Variants in CDH18 observed in about 807,000 individuals in gnomAD.
The protein encoded by CDH18 is cadherin 18.
In CDH18, 31 loss-of-function variants were observed where a neutral mutation model predicts 67.9. That is an observed-to-expected ratio of 0.46 (90% confidence interval 0.34 to 0.62). The LOEUF is 0.62. Ranked by LOEUF, CDH18 falls within the 20% of genes least tolerant of loss-of-function variation. The pLI is 0.01. For synonymous variants in CDH18, 362 were observed against 347.2 expected (o/e 1.04, Z -0.48); for missense variants, 890 against 975.5 (o/e 0.91, Z 1.17).
At chr5:20,098,938 A>C (rs942018154) in intron 2 of CDH18, among the ~76,000 whole-genome samples, 3 of 152,132 alleles carry the variant, frequency 2.0e-5, no homozygotes, top group Admixed American at 2.0e-4. Flanking sequence ...CCATCAACAT[A>C]TTCAGTCTCC....
chr5:19,736,672 C>T (rs929313981), intron 4 of CDH18, among the ~76,000 whole-genome samples: 2 of 152,076 alleles, frequency 1.3e-5, no homozygotes, highest in African/African-American at 2.4e-5. Context: ...CAAAAGCTAT[C>T]ACATTTGGTT....
chr5:19,836,689 A>G (rs1442932922), intron 3 of CDH18, among the ~76,000 whole-genome samples: 1 of 151,924 alleles, frequency 6.6e-6, no homozygotes, highest in East Asian at 1.9e-4. Flanking sequence ...TTCATTTGTC[A>G]ATTTTGGCTT....
intron 1 of CDH18, among the ~76,000 whole-genome samples, chr5:20,529,712 T>C (rs1756283554): frequency 2.0e-5 from 3 of 152,066 alleles, no homozygotes; most frequent in Admixed American, 2.0e-4. Context: ...AAACTCTTGA[T>C]AACCTAGGTA....
intron 2 of CDH18, among the ~76,000 whole-genome samples, chr5:20,009,614 T>G (rs1376302627): frequency 1.3e-5 from 2 of 152,096 alleles, no homozygotes; most frequent in Non-Finnish European, 2.9e-5. Context: ...TTCACAATAG[T>G]GTATTATGTC....
chr5:20,095,444 A>G lies in CDH18; in HGVS notation c.-517-103430T>C, dbSNP rs901078851. Among the ~76,000 whole-genome samples the G allele has an allele frequency of 3.2e-3, 265 of 81,846 alleles. 1 individual carries two copies. Among genetic ancestry groups the G allele is most frequent in the African/African-American group, 0.012 (250 of 21,680 alleles). The allele number at this position is 81,846 out of a possible 152,430, so 53.7% of individuals were successfully genotyped here. A position where few individuals can be genotyped will look rare whatever the true frequency, so the allele number is the denominator to read the frequency against. ...GAAAGAAAGAAAGAAAGAAAGAAAGAAAAGAAAGAAAGAAAGAAGAAAGAA... is the reference window on the plus strand; with the variant it reads ...GAAAGAAAGAAAGAAAGAAAGAAAGGAAAGAAAGAAAGAAAGAAGAAAGAA... On this transcript the variant is annotated intron_variant, in intron 2 of 14. Coordinates refer to the CDH18 transcript ENST00000507958.
intron 1 of CDH18, among the ~76,000 whole-genome samples, chr5:20,532,206 G>C (rs1284220272): frequency 2.0e-5 from 3 of 152,018 alleles, no homozygotes; most frequent in Admixed American, 6.6e-5. Context: ...AAAATGCTGT[G>C]ATTCGGTACA....
chr5:20,412,704 C>T (rs894241850), intron 1 of CDH18, among the ~76,000 whole-genome samples: 4 of 152,138 alleles, frequency 2.6e-5, no homozygotes, highest in South Asian at 2.1e-4. Flanking sequence ...CAAAAGAAGA[C>T]GTACACACCA....
chr5:20,334,128 A>ATTTTTTTT (rs1390783093), intron 1 of CDH18, among the ~76,000 whole-genome samples: 70 of 118,254 alleles, frequency 5.9e-4, no homozygotes, highest in African/African-American at 2.3e-3. Context: ...TCTGACTTGA[A>ATTTTTTTT]TTCTTTTTTT....
chr5:19,795,162 C>A (rs538058730), intron 3 of CDH18, among the ~76,000 whole-genome samples: 2 of 152,196 alleles, frequency 1.3e-5, no homozygotes, highest in Non-Finnish European at 2.9e-5. Flanking sequence ...GGAGCCCCAC[C>A]AAGAATAAGC....
intron 12 of CDH18, among the ~76,000 whole-genome samples, chr5:19,479,600 A>T (rs1252442502): frequency 6.6e-6 from 1 of 152,118 alleles, no homozygotes; most frequent in Non-Finnish European, 1.5e-5. Context: ...TCTTCTCACC[A>T]ATTCCATCTT....
At chr5:19,926,074 C>T (rs371561574) in intron 2 of CDH18, among the ~76,000 whole-genome samples, 3 of 151,958 alleles carry the variant, frequency 2.0e-5, no homozygotes, top group South Asian at 2.1e-4. Context: ...TTCTAAGCTA[C>T]GTGGTTCACC....
intron 1 of CDH18, among the ~76,000 whole-genome samples, chr5:20,535,683 A>G (rs533156216): frequency 6.6e-6 from 1 of 152,098 alleles, no homozygotes; most frequent in African/African-American, 2.4e-5. Context: ...GGGATCATAA[A>G]CTGTTTTCAG....
intron 1 of CDH18, among the ~76,000 whole-genome samples, chr5:20,544,321 C>T (rs189690082): frequency 2.2e-4 from 33 of 151,916 alleles, no homozygotes; most frequent in Middle Eastern, 6.8e-3. Context: ...AAAAAAAGCA[C>T]ACATAAACAC....
chr5:19,898,554 G>T (rs1043528520), intron 2 of CDH18, among the ~76,000 whole-genome samples: 1 of 151,830 alleles, frequency 6.6e-6, no homozygotes, highest in Non-Finnish European at 1.5e-5. Flanking sequence ...TTTAAAAAAA[G>T]GGTATGTCCA....
chr5:20,015,216 T>G (rs1056336365), intron 2 of CDH18, among the ~76,000 whole-genome samples: 1 of 152,082 alleles, frequency 6.6e-6, no homozygotes, highest in Non-Finnish European at 1.5e-5. Context: ...GGCTAGATAC[T>G]CTGGGTCAAG....
intron 10 of CDH18, among the ~76,000 whole-genome samples, chr5:19,517,098 A>G (rs964563444): frequency 2.6e-5 from 4 of 152,238 alleles, no homozygotes; most frequent in Middle Eastern, 3.4e-3. Context: ...ACTTTCACCA[A>G]TGATGTAGAA....
At chr5:20,544,001 G>T (rs895541684) in intron 1 of CDH18, among the ~76,000 whole-genome samples, 1 of 152,010 alleles carries the variant, frequency 6.6e-6, no homozygotes, top group African/African-American at 2.4e-5. Flanking sequence ...TCTTTCAATT[G>T]TCTATGTAAT....
intron 2 of CDH18, among the ~76,000 whole-genome samples, chr5:20,195,473 C>A (rs1335534161): frequency 1.3e-5 from 2 of 151,900 alleles, no homozygotes; most frequent in East Asian, 3.9e-4. Context: ...CCTGTCAGAT[C>A]ACATATAATA....
chr5:19,647,094 T>C (rs564934553), intron 5 of CDH18, among the ~76,000 whole-genome samples: 17 of 152,212 alleles, frequency 1.1e-4, no homozygotes, highest in African/African-American at 4.1e-4. Context: ...TATGAGTTCA[T>C]AAGATAAAGA....
Sources: allele counts gnomAD v4.1 joint callset (sites outside exome capture counted in the v4.1 genomes callset), GRCh38; gene constraint gnomAD v4.1.1; transcripts MANE v1.5; gene names NCBI Gene and HGNC (gene_info 2026-07-23, HGNC 2026-07-21).